The following ACTR8 variants were observed in gnomAD, a reference collection of about 807,000 sequenced individuals.
The protein encoded by ACTR8 is actin-related protein 8.
A neutral mutation model predicts 84.3 loss-of-function variants in ACTR8; 70 were observed. That is an observed-to-expected ratio of 0.83 (90% CI 0.68 to 1.01). ACTR8 has a LOEUF of 1.01. Among genes scored for constraint, ACTR8 ranks in the 50% least tolerant of loss-of-function variants. The pLI is 0.00. For synonymous variants in ACTR8, 268 were observed against 275.2 expected (o/e 0.97, Z 0.26); for missense variants, 672 against 775.4 (o/e 0.87, Z 1.58).
intron 3 of ACTR8, 101 bp downstream of exon 3, chr3:53,878,256 C>G: frequency 1.1e-6 from 1 of 918,922 alleles, no homozygotes; most frequent in Non-Finnish European, 1.7e-6. Flanking sequence ...TTTTAAGGAA[C>G]TCCCATCTTG....
downstream of ACTR8, among the ~76,000 whole-genome samples, chr3:53,863,907 CT>C (rs1379163042): frequency 1.3e-5 from 2 of 151,080 alleles, no homozygotes; most frequent in Non-Finnish European, 2.9e-5. Context: ...ACTGCAACCT[CT>C]GCCTCCTGAG....
At position 53,874,636 on chromosome 3, in the gene ACTR8, A is replaced by C. The variant is rs149748104; in HGVS notation, c.912-272T>G. On this transcript the variant is annotated intron_variant, in intron 7 of 12. Transcript: ENST00000335754. ...CTACTCGGGAGGCTGAGGCACGAGA[A>C]TTGCTTGAACCCAGGAGGAAGAGGT... Among the ~76,000 whole-genome samples the C allele has an allele frequency of 8.3e-4, 127 of 152,246 alleles. No individual in the cohort carries two copies. The Middle Eastern group carries it at 0.01, about 12-fold the overall frequency.
intron 12 of ACTR8, 30 bp downstream of exon 12, chr3:53,869,952 C>A (rs761499842): frequency 5.0e-6 from 8 of 1,609,922 alleles, no homozygotes; most frequent in Non-Finnish European, 5.9e-6. Flanking sequence ...CATTTGCATA[C>A]AGTCCAACTT....
chr3:53,874,408 G>C, intron 7 of ACTR8, 44 bp from the exon 8 acceptor site: 1 of 1,592,312 alleles, frequency 6.3e-7, no homozygotes, highest in East Asian at 2.3e-5. Flanking sequence ...TGTTGGTTAA[G>C]AAGGTGCAAA....
In ACTR8 at chr3:53,868,599, C is replaced by G; in HGVS notation, c.*120G>C. On this transcript the variant is annotated 3_prime_UTR_variant, in exon 13 of 13. Coordinates refer to ENST00000335754, the MANE Select transcript of ACTR8 (RefSeq NM_022899.5). Reference sequence around the variant, plus strand: ...ATGTCCTCAACATAAAGTTCAAATTCATTTACTGTCCATGACACTTAAGCA... The same window carrying G: ...ATGTCCTCAACATAAAGTTCAAATTGATTTACTGTCCATGACACTTAAGCA... The G allele has an allele frequency of 7.1e-7, 1 of 1,417,956 alleles. No homozygotes were observed. The highest frequency in any genetic ancestry group is 9.4e-7 in the Non-Finnish European group (1 of 1,059,726). The allele number at this position is 1,417,956 out of a possible 1,614,324, so 87.8% of individuals were successfully genotyped here.
chr3:53,875,149 A>G (rs77062090), intron 7 of ACTR8, among the ~76,000 whole-genome samples: 1,525 of 152,334 alleles, frequency 0.01, 17 homozygotes, highest in African/African-American at 0.033. Context: ...TTTTCTCCAC[A>G]CTTTGAGAAC....
the ACTR8 span, chr3:53,860,241 A>G: frequency 1.1e-5 from 17 of 1,592,014 alleles, no homozygotes; most frequent in African/African-American, 1.2e-4. Flanking sequence ...AAGGGTTATA[A>G]TTCTTTAAAG....
downstream of ACTR8, chr3:53,864,827 G>A: frequency 6.2e-7 from 1 of 1,614,110 alleles, no homozygotes. Context: ...TCTGAAATAT[G>A]TTTCCATCAC....
intron 6 of ACTR8, 148 bp downstream of exon 6, chr3:53,876,472 T>A: frequency 1.7e-6 from 1 of 595,558 alleles, no homozygotes; most frequent in Non-Finnish European, 3.0e-6. Flanking sequence ...TGAGCTGAGA[T>A]AGCGCCACTG....
chr3:53,880,126 T>TA lies in ACTR8; in HGVS notation c.124-18dup. ...CTGGATTTGCTGCAGATATAAAACA[T>TA]AGATGTGTGACTTTGTAAATAATAT... On this transcript the variant is annotated splice_polypyrimidine_tract_variant and intron_variant, in intron 1 of 12. Transcript: ENST00000335754. The TA allele has an allele frequency of 6.2e-7, 1 of 1,606,504 alleles. No individual in the cohort carries two copies. The highest frequency in any genetic ancestry group is 8.5e-7 in the Non-Finnish European group (1 of 1,173,848).
At chr3:53,875,810 TA>T in intron 7 of ACTR8, 137 bp downstream of exon 7, 1 of 1,310,104 alleles carries the variant, frequency 7.6e-7, no homozygotes, top group Non-Finnish European at 1.0e-6. Flanking sequence ...TGCACTTCCA[TA>T]ATCTTGCTGG....
chr3:53,875,435 G>C (rs1699950698), intron 7 of ACTR8, among the ~76,000 whole-genome samples: 1 of 152,194 alleles, frequency 6.6e-6, no homozygotes, highest in Non-Finnish European at 1.5e-5. Context: ...CCTGAAGAAG[G>C]ACAAGCTGCA....
chr3:53,862,924 C>T (rs1699617099), downstream of ACTR8, among the ~76,000 whole-genome samples: 1 of 152,274 alleles, frequency 6.6e-6, no homozygotes, highest in East Asian at 1.9e-4. Context: ...ACCTCTCCTG[C>T]CTCCTCTTCC....
intron 8 of ACTR8, 22 bp downstream of exon 8, chr3:53,874,189 G>GCA: frequency 1.3e-6 from 2 of 1,588,352 alleles, no homozygotes; most frequent in Non-Finnish European, 1.7e-6. Flanking sequence ...AAAATAATCA[G>GCA]CAATATTGAT....
chr3:53,876,883 T>C (rs896675774), intron 5 of ACTR8, among the ~76,000 whole-genome samples, 170 bp from the exon 6 acceptor site: 24 of 93,854 alleles, frequency 2.6e-4, no homozygotes, highest in Admixed American at 1.8e-3. Context: ...AAAAAAAAAA[T>C]GCTCAAGTGT....
chr3:53,863,234 C>A (rs1050496202), downstream of ACTR8, among the ~76,000 whole-genome samples: 5 of 152,166 alleles, frequency 3.3e-5, no homozygotes, highest in Non-Finnish European at 7.3e-5. Flanking sequence ...GTGGGAAAAT[C>A]AAAGGTTATA....
chr3:53,873,939 C>T (rs769034447), intron 8 of ACTR8, among the ~76,000 whole-genome samples: 6 of 152,200 alleles, frequency 3.9e-5, no homozygotes, highest in Non-Finnish European at 8.8e-5. Context: ...ATTCTCCCGC[C>T]TCAGCCTCCC....
chr3:53,876,534 TA>T (rs755532104), intron 6 of ACTR8, 85 bp downstream of exon 6: 4 of 788,552 alleles, frequency 5.1e-6, no homozygotes, highest in Non-Finnish European at 8.3e-6. Flanking sequence ...AATAAATAAA[TA>T]AATAAGTCAG....
At chr3:53,869,038 T>C (rs1340837446) in intron 12 of ACTR8, among the ~76,000 whole-genome samples, 176 bp from the exon 13 acceptor site, 8 of 152,172 alleles carry the variant, frequency 5.3e-5, no homozygotes, top group African/African-American at 1.4e-4. Flanking sequence ...CCCCAGCACT[T>C]TGGGAGGCCG....
Sources: gnomAD v4.1 joint callset for allele counts (sites outside exome capture counted in the v4.1 genomes callset) on GRCh38, gnomAD v4.1.1 for gene constraint, MANE v1.5 for transcripts, NCBI Gene and HGNC (gene_info 2026-07-23, HGNC 2026-07-21) for gene names.